The following SET variants were observed in gnomAD, a reference collection of about 807,000 sequenced individuals.
The protein encoded by SET is protein SET.
SET carries 4 observed loss-of-function variants against 39.0 expected under a neutral mutation model. That is an observed-to-expected ratio of 0.10 (90% CI 0.05 to 0.23). The LOEUF (loss-of-function observed/expected upper bound fraction) is 0.23. Among genes scored for constraint, SET ranks in the 10% least tolerant of loss-of-function variants. The pLI, the probability that SET is intolerant of heterozygous loss-of-function variation, is 1.00. For synonymous variants in SET, 114 were observed against 115.9 expected (o/e 0.98, Z 0.11); for missense variants, 137 against 329.7 (o/e 0.42, Z 4.53).
Position 128,689,446 on chromosome 9 carries a change from G to A in SET, c.-137G>A, listed in dbSNP as rs546093488. 93 of 532,528 alleles carry A rather than the reference G, an allele frequency of 1.7e-4. No homozygotes were observed. In the East Asian group the frequency reaches 4.3e-3, roughly 25 times the overall value. 33.0% of individuals were successfully genotyped at this position (532,528 alleles called of 1,614,324 possible). On this transcript the variant is annotated 5_prime_UTR_variant, in exon 1 of 8. Coordinates refer to ENST00000322030, the MANE Select transcript of SET (RefSeq NM_003011.4). The stretch of plus-strand genomic sequence containing the variant: ...CGCGAGCGAGCGAGGGGGAGGGAGA[G>A]CGAGCGAGCGCCGGGAGGAGGCGGC...
chr9:128,685,918 T>C (rs1180302681), upstream of SET, among the ~76,000 whole-genome samples: 3 of 152,054 alleles, frequency 2.0e-5, no homozygotes, highest in Non-Finnish European at 4.4e-5. Flanking sequence ...TCCCAGCTAC[T>C]TGGGGGGCTA....
chr9:128,683,754 C>A (rs577760252), exon 1 of SET: 60 of 638,246 alleles, frequency 9.4e-5, no homozygotes, highest in Non-Finnish European at 1.2e-4. Flanking sequence ...GTGTGTGTCC[C>A]ACTGTCATGT....
intron 5 of SET, 138 bp from the exon 6 acceptor site, chr9:128,693,500 T>G (rs1338670491): frequency 9.8e-6 from 9 of 917,492 alleles, no homozygotes; most frequent in Non-Finnish European, 1.4e-5. Context: ...ATAATTGCTC[T>G]TAGGTAATAA....
rs778117078 is a variant in SET at position 128,689,544 on chromosome 9, TCC to T, written c.-35_-34del. ...CCCGCCCCCTTCGCCTTCCCTTCTC[TCC>T]CCCTCCCCGCTCCCCCCCCGACCGC... is the stretch of plus-strand genomic sequence containing the variant. On this transcript the variant is annotated 5_prime_UTR_variant, in exon 1 of 8. Transcript: ENST00000322030. The T allele has an allele frequency of 9.0e-7, 1 of 1,110,762 alleles. No homozygotes were observed. The highest frequency in any genetic ancestry group is 1.2e-6 in the Non-Finnish European group (1 of 839,738). The allele number at this position is 1,110,762 out of a possible 1,614,324, so 68.8% of individuals were successfully genotyped here.
At chr9:128,686,698 G>A (rs183493941), upstream of SET, among the ~76,000 whole-genome samples, 1 of 152,318 alleles carries the variant, frequency 6.6e-6, no homozygotes, top group East Asian at 1.9e-4. Context: ...GAGGCAGGGT[G>A]CGATGGCTAA....
At chr9:128,685,153 T>G, upstream of SET, 1 of 1,584,326 alleles carries the variant, frequency 6.3e-7, no homozygotes, top group Non-Finnish European at 8.6e-7. Flanking sequence ...TGGGTCTCAG[T>G]CCCTTTTCCT....
intron 7 of SET, 62 bp downstream of exon 7, chr9:128,694,104 G>GTT: frequency 8.0e-7 from 1 of 1,256,352 alleles, no homozygotes; most frequent in Non-Finnish European, 1.0e-6. Context: ...TTATTTTGGG[G>GTT]TGTATATATA....
chr9:128,694,731 AG>A lies in SET; in HGVS notation c.*68del. On this transcript the variant is annotated 3_prime_UTR_variant, in exon 8 of 8. Transcript: ENST00000322030. ...TCTCCAGTCCCTGGGAGCAAGTTGC[AG>A]TCTTTTTTTTTTTTTTTTTTTTTTT... is the stretch of plus-strand genomic sequence containing the variant. 3 of 592,338 alleles carry A rather than the reference AG, an allele frequency of 5.1e-6. No individual in the cohort carries two copies. The highest frequency in any genetic ancestry group is 8.3e-6 in the Non-Finnish European group (3 of 363,426). 36.7% of individuals were successfully genotyped at this position (592,338 alleles called of 1,614,324 possible). A position where few individuals can be genotyped will look rare whatever the true frequency, so the allele number is the denominator to read the frequency against.
upstream of SET, chr9:128,685,315 A>T (rs1861247515): frequency 1.4e-5 from 13 of 950,986 alleles, no homozygotes; most frequent in East Asian, 3.4e-4. Flanking sequence ...TAAGGGGAGC[A>T]CTAGACAGCG....
rs772579604 is a variant in SET, at chr9:128,691,854, T to C, written c.132-4T>C. The C allele has an allele frequency of 6.2e-7, 1 of 1,608,944 alleles. No homozygotes were observed. The highest frequency in any genetic ancestry group is 2.2e-5 in the East Asian group (1 of 44,834). On this transcript the variant is annotated splice_polypyrimidine_tract_variant and splice_region_variant and intron_variant, in intron 2 of 7. Transcript: ENST00000322030. ...TTGTCAACATCTCTTTTCATTTGCT[T>C]CAGACTTAATGAACAAGCCAGTGAG...
chr9:128,689,565 CGA>C lies in SET; in HGVS notation c.-17_-16del. On this transcript the variant is annotated 5_prime_UTR_variant, in exon 1 of 8. Transcript: ENST00000322030. ...TCTCTCCCCCTCCCCGCTCCCCCCC[CGA>C]CCGCGGAGCAGCACCATGTCGGCGC... 7.4e-7 allele frequency: 1 copy of C among 1,344,694 alleles called. No homozygotes were observed. The highest frequency in any genetic ancestry group is 9.8e-7 in the Non-Finnish European group (1 of 1,024,602). The allele number at this position is 1,344,694 out of a possible 1,614,324, so 83.3% of individuals were successfully genotyped here.
chr9:128,683,961 G>A (rs191311210), exon 1 of SET: 2 of 1,557,166 alleles, frequency 1.3e-6, no homozygotes, highest in South Asian at 2.4e-5. Flanking sequence ...CTCCTGCTCT[G>A]GGACCGGAGG....
chr9:128,694,509 C>G (rs999581786), intron 7 of SET, 132 bp from the exon 8 acceptor site: 5 of 560,936 alleles, frequency 8.9e-6, no homozygotes, highest in African/African-American at 2.0e-5. Flanking sequence ...ACGGGTGTTT[C>G]CTTCGATGCA....
chr9:128,684,485 C>T (rs917930948), upstream of SET, among the ~76,000 whole-genome samples: 6 of 152,148 alleles, frequency 3.9e-5, no homozygotes, highest in African/African-American at 1.4e-4. Context: ...TCCTCCTCCC[C>T]TTCAGCCTGA....
At chr9:128,691,293 C>CG in intron 2 of SET, 66 bp downstream of exon 2, 1 of 997,972 alleles carries the variant, frequency 1.0e-6, no homozygotes, top group Admixed American at 2.1e-5. Flanking sequence ...CGGTAATTAT[C>CG]GAAGCTATGG....
Position 128,689,284 on chromosome 9 carries a change from G to A in SET, c.-299G>A, listed in dbSNP as rs984754769. ...GGGAGAGCGAGCAGCGAGCTGGCTGGATCGCCGAGCGCGAGTGAGGGAGCC... is the reference window on the plus strand; with the variant it reads ...GGGAGAGCGAGCAGCGAGCTGGCTGAATCGCCGAGCGCGAGTGAGGGAGCC... On this transcript the variant is annotated 5_prime_UTR_variant, in exon 1 of 8. Coordinates refer to ENST00000322030, the MANE Select transcript of SET (RefSeq NM_003011.4). 1 of 1,015,482 alleles carries A rather than the reference G, an allele frequency of 9.8e-7. No homozygotes were observed. The highest frequency in any genetic ancestry group is 4.5e-5 in the South Asian group (1 of 22,234). 62.9% of individuals were successfully genotyped at this position (1,015,482 alleles called of 1,614,324 possible).
upstream of SET, chr9:128,685,201 C>T (rs1589449629): frequency 1.2e-6 from 2 of 1,600,956 alleles, no homozygotes; most frequent in Middle Eastern, 1.7e-4. Flanking sequence ...CAGCTTGAAA[C>T]CTACCTTGCT....
chr9:128,694,337 C>CT (rs1425377009), intron 7 of SET, among the ~76,000 whole-genome samples: 1 of 152,006 alleles, frequency 6.6e-6, no homozygotes, highest in Non-Finnish European at 1.5e-5. Flanking sequence ...TGGTCAAATT[C>CT]TGACATCTCT....
intron 6 of SET, 37 bp downstream of exon 6, chr9:128,693,845 G>A (rs749500791): frequency 6.2e-7 from 1 of 1,604,276 alleles, no homozygotes; most frequent in South Asian, 1.1e-5. Context: ...GGTTGGACTT[G>A]TCTCGGTTGT....
Sources: allele counts gnomAD v4.1 joint callset (sites outside exome capture counted in the v4.1 genomes callset), GRCh38; gene constraint gnomAD v4.1.1; transcripts MANE v1.5; gene names NCBI Gene and HGNC (gene_info 2026-07-23, HGNC 2026-07-21).